Variants in SH3D19 observed in about 807,000 individuals in gnomAD.
SH3D19 encodes SH3 domain-containing protein 19.
Under a neutral mutation model 112.1 loss-of-function variants are expected in SH3D19, and 58 were observed. The ratio of observed to expected loss-of-function variants is 0.52; its 90% CI spans 0.42 to 0.64. SH3D19 has a LOEUF of 0.64. Ranked by LOEUF, SH3D19 falls within the 30% of genes least tolerant of loss-of-function variation. The probability of loss-of-function intolerance (pLI) is 0.00; values close to 1 mark genes in which losing one functional copy is unlikely to be tolerated. For missense variants in SH3D19, 1,090 were observed against 1,263.4 expected, an observed-to-expected ratio of 0.86 and a Z score of 2.08; for synonymous variants, 391 against 448.5, an observed-to-expected ratio of 0.87 and a Z score of 1.62.
intron 2 of SH3D19, among the ~76,000 whole-genome samples, chr4:151,205,834 TTA>T (rs1765023822): frequency 6.6e-6 from 1 of 152,176 alleles, no homozygotes; most frequent in Non-Finnish European, 1.5e-5. Context: ...CATCCCAGTT[TTA>T]GAGATGAAAA....
chr4:151,286,184 G>GAAAAAAAAAAAAAAAAAAA (rs56850648), intron 1 of SH3D19, among the ~76,000 whole-genome samples: 3 of 86,628 alleles, frequency 3.5e-5, no homozygotes, highest in East Asian at 3.6e-4. Context: ...CTGTCTTAAA[G>GAAAAAAAAAAAAAAAAAAA]AAAAAAAAAA....
chr4:151,305,859 C>T (rs1214580973), intron 1 of SH3D19, among the ~76,000 whole-genome samples: 1 of 152,168 alleles, frequency 6.6e-6, no homozygotes, highest in Non-Finnish European at 1.5e-5. Flanking sequence ...TCATCAAATA[C>T]TGAAAACAAT....
intron 1 of SH3D19, among the ~76,000 whole-genome samples, chr4:151,304,305 A>G (rs904811967): frequency 4.6e-5 from 7 of 152,176 alleles, no homozygotes; most frequent in Non-Finnish European, 1.0e-4. Flanking sequence ...GCAACTAATG[A>G]AACACTGAAT....
At position 151,282,769 on chromosome 4, in the gene SH3D19, T is replaced by C. The variant is rs186531854; in HGVS notation, c.112+42472A>G. Among the ~76,000 whole-genome samples the C allele has an allele frequency of 2.6e-3, 389 of 151,220 alleles. 1 individual carries two copies. Among genetic ancestry groups the C allele is most frequent in the Non-Finnish European group, 4.1e-3 (282 of 68,008 alleles). On this transcript the variant is annotated intron_variant, in intron 1 of 19. Coordinates refer to ENST00000604030, the MANE Select transcript of SH3D19 (RefSeq NM_001378122.1). ...ACGTCAACTCTTTCCCAGGTTGGAGTAGACACAAGACAAGAACTGATCTAG... is the reference window on the plus strand; with the variant it reads ...ACGTCAACTCTTTCCCAGGTTGGAGCAGACACAAGACAAGAACTGATCTAG...
Position 151,175,356 on chromosome 4 carries a change from A to G in SH3D19, c.848T>C (p.Ile283Thr). Residue 283 changes from isoleucine to threonine, a missense_variant, in exon 7 of 20, where the codon ATT (isoleucine) becomes ACT (threonine). Ile to Thr is a moderately conservative substitution (Grantham distance 89, BLOSUM62 -1). Transcript: ENST00000604030. ...ATTTTGGCTTTGTTCTGTGTTCATAATGTTCATCACTGCCTGACTGTCTGA... is the reference window on the plus strand; with the variant it reads ...ATTTTGGCTTTGTTCTGTGTTCATAGTGTTCATCACTGCCTGACTGTCTGA... The part of the protein sequence containing the change: ...STSDSQAVMN[I>T]MNTEQSQNSI... The G allele has an allele frequency of 3.1e-6, 5 of 1,607,690 alleles. No individual in the cohort carries two copies. The highest frequency in any genetic ancestry group is 4.2e-6 in the Non-Finnish European group (5 of 1,176,906).
Position 151,174,846 on chromosome 4 carries a change from G to T in SH3D19, c.1358C>A (p.Ala453Glu). 3 of 1,591,436 alleles carry T rather than the reference G, an allele frequency of 1.9e-6. No individual in the cohort carries two copies. The Middle Eastern group carries it at 5.1e-4, about 268-fold the overall frequency. ...PVTVPPRLAG[A>E]SQAKAYKSLG... ...TGACTTGTATGCTTTGGCTTGTGAT[G>T]CCCCTGCGAGTCGGGGAGGAACAGT... is the stretch of plus-strand genomic sequence containing the variant. The change falls in exon 7 of 20, where the codon GCA becomes GAA. Residue 453 changes from alanine to glutamate, a missense_variant. Physicochemically the swap from Ala to Glu is moderately radical, Grantham distance 107 (BLOSUM62 -1). Coordinates refer to ENST00000604030, the MANE Select transcript of SH3D19 (RefSeq NM_001378122.1).
At chr4:151,279,869 G>A in intron 1 of SH3D19, 1 of 1,613,886 alleles carries the variant, frequency 6.2e-7, no homozygotes, top group Non-Finnish European at 8.5e-7. Flanking sequence ...GGCCTTGGCA[G>A]GTCAGCCTAC....
chr4:151,288,083 T>TA (rs890229581), intron 1 of SH3D19, among the ~76,000 whole-genome samples: 74 of 147,222 alleles, frequency 5.0e-4, no homozygotes, highest in South Asian at 6.5e-4. Flanking sequence ...CGCTTCACGT[T>TA]AAAAAAAAAA....
intron 1 of SH3D19, among the ~76,000 whole-genome samples, chr4:151,260,935 G>T (rs1289945657): frequency 6.6e-6 from 1 of 151,924 alleles, no homozygotes; most frequent in Non-Finnish European, 1.5e-5. Context: ...GACTCTCCCC[G>T]CTTCCTTTAC....
intron 1 of SH3D19, among the ~76,000 whole-genome samples, chr4:151,294,943 A>G (rs1580434089): frequency 6.6e-6 from 1 of 152,292 alleles, no homozygotes; most frequent in South Asian, 2.1e-4. Flanking sequence ...GGAGGGAAGC[A>G]AGGACTAAAA....
intron 1 of SH3D19, chr4:151,279,137 T>C (rs1773929569): frequency 4.6e-6 from 2 of 434,688 alleles, no homozygotes; most frequent in African/African-American, 2.1e-5. Context: ...GCCAGCACCC[T>C]GCAGCAGCAT....
intron 9 of SH3D19, among the ~76,000 whole-genome samples, chr4:151,152,345 G>A (rs1168106295): frequency 3.9e-5 from 6 of 152,062 alleles, no homozygotes; most frequent in Non-Finnish European, 7.4e-5. Flanking sequence ...CTCTAGCTCT[G>A]ATATCCCTGA....
At chr4:151,208,809 C>G (rs1765503936) in intron 2 of SH3D19, among the ~76,000 whole-genome samples, 1 of 151,984 alleles carries the variant, frequency 6.6e-6, no homozygotes, top group African/African-American at 2.4e-5. Flanking sequence ...TCCCGAGTAG[C>G]TGGGACTACA....
chr4:151,227,977 G>A, intron 1 of SH3D19: 1 of 985,392 alleles, frequency 1.0e-6, no homozygotes, highest in South Asian at 4.7e-5. Flanking sequence ...ATTGGCAGAT[G>A]TGCTATGACC....
At chr4:151,229,836 G>A (rs1237390011) in intron 1 of SH3D19, among the ~76,000 whole-genome samples, 2 of 152,172 alleles carry the variant, frequency 1.3e-5, no homozygotes, top group African/African-American at 2.4e-5. Context: ...GATCACTTGA[G>A]CTCGGGAGAT....
Position 151,143,960 on chromosome 4 carries a change from G to T in SH3D19, c.2173C>A (p.Gln725Lys). The change falls in exon 12 of 20, where the codon CAA becomes AAA. Residue 725 changes from glutamine to lysine, a missense_variant. Gln to Lys is a moderately conservative substitution (Grantham distance 53, BLOSUM62 1). Coordinates refer to ENST00000604030, the MANE Select transcript of SH3D19 (RefSeq NM_001378122.1). ...GEDTGRVHLSQMKIITPLDEH... is the reference protein window; with the variant it reads ...GEDTGRVHLSKMKIITPLDEH... ...TCAAGTGGAGTGATAATCTTCATTTGAGACAGGTGAACTCTGCCAGTGTCT... is the reference window on the plus strand; with the variant it reads ...TCAAGTGGAGTGATAATCTTCATTTTAGACAGGTGAACTCTGCCAGTGTCT... The T allele has an allele frequency of 6.2e-7, 1 of 1,613,994 alleles. No homozygotes were observed. The highest frequency in any genetic ancestry group is 8.5e-7 in the Non-Finnish European group (1 of 1,179,990).
intron 1 of SH3D19, among the ~76,000 whole-genome samples, chr4:151,271,240 G>C (rs1045608434): frequency 2.0e-5 from 3 of 152,154 alleles, no homozygotes; most frequent in Admixed American, 6.5e-5. Context: ...ATATTCTTTA[G>C]GAGACTGTTT....
intron 19 of SH3D19, among the ~76,000 whole-genome samples, 182 bp downstream of exon 19, chr4:151,127,436 G>C (rs571457879): frequency 6.6e-6 from 1 of 152,310 alleles, no homozygotes; most frequent in East Asian, 1.9e-4. Context: ...GGTTGATACT[G>C]TAAATTAACA....
At chr4:151,171,257 C>T (rs1758994458) in intron 7 of SH3D19, among the ~76,000 whole-genome samples, 1 of 150,188 alleles carries the variant, frequency 6.7e-6, no homozygotes, top group African/African-American at 2.5e-5. Flanking sequence ...GAATTAATGG[C>T]TATTTTCAAG....
Sources: allele counts gnomAD v4.1 joint callset (sites outside exome capture counted in the v4.1 genomes callset), GRCh38; gene constraint gnomAD v4.1.1; transcripts MANE v1.5; gene names NCBI Gene and HGNC (gene_info 2026-07-23, HGNC 2026-07-21).